The following IQSEC3 variants were observed in gnomAD, a reference collection of about 807,000 sequenced individuals.
IQSEC3 encodes IQ motif and Sec7 domain ArfGEF 3, also known as IQ motif and SEC7 domain-containing protein 3.
In IQSEC3, 50 loss-of-function variants were observed where a neutral mutation model predicts 105.4. The observed-to-expected ratio is 0.47, with a 90% confidence interval of 0.38 to 0.60. The LOEUF is 0.60. Ranked by LOEUF, IQSEC3 falls within the 20% of genes least tolerant of loss-of-function variation. The probability of loss-of-function intolerance (pLI) is 0.00; values close to 1 mark genes in which losing one functional copy is unlikely to be tolerated. For missense variants in IQSEC3, 1,415 were observed against 1,630.0 expected (o/e 0.87, Z 2.27); for synonymous variants, 708 against 746.0 (o/e 0.95, Z 0.83).
rs782158961 is a variant in IQSEC3, at chr12:139,264, G to A, written c.1901G>A (p.Cys634Tyr). The A allele has an allele frequency of 3.9e-5, 63 of 1,610,208 alleles. No individual in the cohort carries two copies. In the South Asian group the frequency reaches 6.8e-4, roughly 17 times the overall value. ...AMILSLPRYH[C>Y]ENPASCKSPT... is the part of the protein sequence containing the mutation. ...ATCCTGAGCCTGCCGCGCTACCACT[G>A]CGAGAACCCAGCCAGCTGCAAGTCG... Residue 634 changes from cysteine (C) to tyrosine (Y), a missense_variant, in exon 4 of 14, where the codon TGC (cysteine) becomes TAC (tyrosine). Physicochemically the swap from Cys to Tyr is radical, Grantham distance 194 (BLOSUM62 -2). This residue lies in a region of IQSEC3 where 213 missense variants were observed against 306.2 expected (regional missense o/e 0.70). Coordinates refer to ENST00000538872, the MANE Select transcript of IQSEC3 (RefSeq NM_001170738.2).
Position 177,428 on chromosome 12 carries a change from C to G in IQSEC3, c.*2395C>G, listed in dbSNP as rs942197320. 5 of 152,294 alleles carry G rather than the reference C, an allele frequency of 3.3e-5. No individual in the cohort carries two copies. Among genetic ancestry groups the G allele is most frequent in the African/African-American group, 1.2e-4 (5 of 41,460 alleles). The allele number at this position is 152,294 out of a possible 1,614,324, so 9.4% of individuals were successfully genotyped here. A position where few individuals can be genotyped will look rare whatever the true frequency, so the allele number is the denominator to read the frequency against. On this transcript the variant is annotated 3_prime_UTR_variant, in exon 14 of 14. Transcript: ENST00000538872. This position sits in a 1 kb window ranked among gnomAD's most constrained non-coding sequence, Gnocchi z 5.3. The stretch of plus-strand genomic sequence containing the variant: ...GAACCAGCAAGTCTTAGGGCTGGCA[C>G]GCATCTGGGCCTCTAGCTGAGAACC...
At chr12:116,077 T>C (rs1865038469) in intron 2 of IQSEC3, among the ~76,000 whole-genome samples, 1 of 152,206 alleles carries the variant, frequency 6.6e-6, no homozygotes, top group African/African-American at 2.4e-5. Flanking sequence ...AAATAAAACA[T>C]GGGACGTCCC....
intron 1 of IQSEC3, among the ~76,000 whole-genome samples, chr12:75,364 G>GGAATT (rs1863476618): frequency 6.6e-6 from 1 of 152,130 alleles, no homozygotes; most frequent in Admixed American, 6.5e-5. Context: ...TGCCTTGTTT[G>GGAATT]GCTCTGGTAA....
chr12:128,800 C>T (rs547093143), intron 3 of IQSEC3, among the ~76,000 whole-genome samples: 2 of 152,148 alleles, frequency 1.3e-5, no homozygotes, highest in Non-Finnish European at 2.9e-5. Context: ...CCAACCTCAC[C>T]TCCACATTGC....
chr12:111,758 G>A (rs1013212549), intron 2 of IQSEC3: 5 of 152,126 alleles, frequency 3.3e-5, no homozygotes, highest in African/African-American at 4.8e-5. Flanking sequence ...CACACAAATC[G>A]AGTGGGACAC....
intron 8 of IQSEC3, among the ~76,000 whole-genome samples, chr12:162,884 G>A (rs1555096687): frequency 6.6e-6 from 1 of 152,118 alleles, no homozygotes; most frequent in South Asian, 2.1e-4. Context: ...GGCAGGGGAT[G>A]CCCTCAAGGT....
At chr12:174,117 G>C (rs143805325) in intron 13 of IQSEC3, among the ~76,000 whole-genome samples, 3 of 152,132 alleles carry the variant, frequency 2.0e-5, no homozygotes, top group Non-Finnish European at 2.9e-5. Flanking sequence ...TGAGGTCGAC[G>C]GTGCCAATGA....
intron 1 of IQSEC3, among the ~76,000 whole-genome samples, chr12:72,058 T>C (rs1863340329): frequency 6.6e-6 from 1 of 152,292 alleles, no homozygotes; most frequent in Non-Finnish European, 1.5e-5. Flanking sequence ...CCATGGTCTC[T>C]GGGAAACCCT....
intron 13 of IQSEC3, among the ~76,000 whole-genome samples, chr12:173,700 C>G (rs374717222): frequency 2.0e-5 from 3 of 152,142 alleles, no homozygotes; most frequent in Non-Finnish European, 4.4e-5. Context: ...GTCATAGCCA[C>G]GGGCAGGGGA....
chr12:138,269 T>C lies in IQSEC3; in HGVS notation c.906T>C (p.Ile302=), dbSNP rs370564005. Residue 302 remains isoleucine (I), a splice_region_variant and synonymous_variant, in exon 4 of 14, where the codon ATT becomes ATC. Coordinates refer to ENST00000538872, the MANE Select transcript of IQSEC3 (RefSeq NM_001170738.2). This position sits in a 1 kb window ranked among gnomAD's most constrained non-coding sequence, Gnocchi z 7.1. ...CCTCTCTGTCCTCGTCCTTGCAGATTGAAATGCTAGAACATAAGTACGGCG... is the reference window on the plus strand; with the variant it reads ...CCTCTCTGTCCTCGTCCTTGCAGATCGAAATGCTAGAACATAAGTACGGCG... ...ELSLDLKNKQ[I]EMLEHKYGGH... is the part of the protein sequence containing the mutation. 46 of 1,609,386 alleles carry C rather than the reference T, an allele frequency of 2.9e-5. No homozygotes were observed. Among genetic ancestry groups the C allele is most frequent in the African/African-American group, 5.3e-5 (4 of 74,810 alleles).
intron 2 of IQSEC3, among the ~76,000 whole-genome samples, chr12:104,579 G>T (rs1332042481): frequency 1.3e-5 from 2 of 152,046 alleles, no homozygotes; most frequent in African/African-American, 4.8e-5. Flanking sequence ...AGATTTTGTA[G>T]TCTGCATTTC....
Position 114,584 on chromosome 12 carries a change from A to G in IQSEC3, c.624-11049A>G, listed in dbSNP as rs147865874. 4.3e-3 allele frequency among the ~76,000 whole-genome samples: 652 copies of G among 152,366 alleles called. 3 individuals are homozygous for G. The highest frequency in any genetic ancestry group is 0.025 in the South Asian group (120 of 4,830). ...AAGCTAAAGACCCGGATGAATGTCA[A>G]TCAAGTAGGGCCAACAGGCTCAGAG... On this transcript the variant is annotated intron_variant, in intron 2 of 13. Coordinates refer to ENST00000538872, the MANE Select transcript of IQSEC3 (RefSeq NM_001170738.2).
At position 161,963 on chromosome 12, in the gene IQSEC3, G is replaced by C. The variant is rs377679440; in HGVS notation, c.2481G>C (p.Val827=). The change falls in exon 8 of 14, where the codon GTG becomes GTC. Residue 827 remains valine (V), a synonymous_variant. Coordinates refer to ENST00000538872, the MANE Select transcript of IQSEC3 (RefSeq NM_001170738.2). ...DDGADIPREL[V]VGIYERIQQK... ...GCGCTGACATCCCCAGGGAGCTGGT[G>C]GTAGGCATCTATGAGAGGATACAGC... The C allele has an allele frequency of 1.3e-4, 205 of 1,613,290 alleles. No homozygotes were observed. In the South Asian group the frequency reaches 1.4e-3, roughly 11 times the overall value.
chr12:98,879 G>A (rs1455631699), intron 1 of IQSEC3, among the ~76,000 whole-genome samples: 3 of 152,206 alleles, frequency 2.0e-5, no homozygotes, highest in Non-Finnish European at 2.9e-5. Context: ...AGTAGGAAGG[G>A]TGAGTTCCCA....
intron 11 of IQSEC3, among the ~76,000 whole-genome samples, chr12:168,549 G>T (rs1350618279): frequency 1.3e-5 from 2 of 152,142 alleles, no homozygotes; most frequent in Non-Finnish European, 2.9e-5. Flanking sequence ...CATTACTTTC[G>T]CACAAACCTT....
intron 5 of IQSEC3, among the ~76,000 whole-genome samples, chr12:156,209 C>A (rs1039188564): frequency 6.6e-6 from 1 of 152,152 alleles, no homozygotes; most frequent in Admixed American, 6.5e-5. Flanking sequence ...AGGCAAACCC[C>A]CCAGGGTTGG....
chr12:159,397 A>C (rs895102843), intron 7 of IQSEC3, among the ~76,000 whole-genome samples: 1 of 152,194 alleles, frequency 6.6e-6, no homozygotes, highest in African/African-American at 2.4e-5. Context: ...TGGTTCCTGC[A>C]TGTCAGAGCT....
chr12:171,169 G>C lies in IQSEC3; in HGVS notation c.3114+8G>C. 6.2e-7 allele frequency: 1 copy of C among 1,614,106 alleles called. No individual in the cohort carries two copies. Among genetic ancestry groups the C allele is most frequent in the Non-Finnish European group, 8.5e-7 (1 of 1,179,994 alleles). ...GCGGAGAGCACGGTGGAGGTAAGTG[G>C]AGCCCTGGTTGCCCAGGTGAGTGAC... is the stretch of plus-strand genomic sequence containing the variant. On this transcript the variant is annotated splice_region_variant and intron_variant, in intron 13 of 13. Coordinates refer to ENST00000538872, the MANE Select transcript of IQSEC3 (RefSeq NM_001170738.2).
chr12:155,422 G>A (rs528149439), intron 5 of IQSEC3, among the ~76,000 whole-genome samples: 13 of 152,298 alleles, frequency 8.5e-5, no homozygotes, highest in East Asian at 1.9e-4. Context: ...CCCTGCCTAC[G>A]GGAGAGAGGC....
Sources: gnomAD v4.1 joint callset for allele counts (sites outside exome capture counted in the v4.1 genomes callset) on GRCh38, gnomAD v4.1.1 for gene constraint, gnomAD v4.1.1 regional missense constraint, Gnocchi (gnomAD v3.1) non-coding constraint, MANE v1.5 for transcripts, NCBI Gene and HGNC (gene_info 2026-07-23, HGNC 2026-07-21) for gene names.